Variants in CNTNAP2 observed in about 807,000 individuals in gnomAD.
CNTNAP2 encodes contactin-associated protein-like 2.
CNTNAP2 carries 98 observed loss-of-function variants against 155.2 expected under a neutral mutation model. That is an observed-to-expected ratio of 0.63 (90% CI 0.54 to 0.75). The LOEUF (loss-of-function observed/expected upper bound fraction) is 0.75, where lower values mean the gene tolerates loss of function less well. CNTNAP2 is among the 30% of genes least tolerant of loss of function. The pLI is 0.00. For synonymous variants in CNTNAP2, 651 were observed against 631.2 expected, an observed-to-expected ratio of 1.03 and a Z score of -0.47; for missense variants, 1,727 against 1,688.1, an observed-to-expected ratio of 1.02 and a Z score of -0.40.
intron 1 of CNTNAP2, among the ~76,000 whole-genome samples, chr7:146,426,185 C>CAAAAAAAAAAAAAAAAAAAAAAAAAAA (rs57484419): frequency 5.5e-5 from 3 of 54,644 alleles, no homozygotes; most frequent in African/African-American, 2.2e-4. Flanking sequence ...GACTTCGCCT[C>CAAAAAAAAAAAAAAAAAAAAAAAAAAA]AAAAAAAAAA....
rs985199322 is a variant in CNTNAP2, at chr7:147,084,569, T to C, written c.551-23578T>C. The stretch of plus-strand genomic sequence containing the variant: ...ATAATAATATAATAATATATACATG[T>C]ATATACATATGTACATATAGCATAT... On this transcript the variant is annotated intron_variant, in intron 4 of 23. Transcript: ENST00000361727. 2.1e-5 allele frequency among the ~76,000 whole-genome samples: 3 copies of C among 146,076 alleles called. No homozygotes were observed. In the East Asian group the frequency reaches 5.9e-4, roughly 29 times the overall value.
intron 1 of CNTNAP2, among the ~76,000 whole-genome samples, chr7:146,481,056 C>T (rs1210198562): frequency 6.6e-6 from 1 of 151,776 alleles, no homozygotes; most frequent in Non-Finnish European, 1.5e-5. Context: ...ATTGAGTGAC[C>T]AAAATCATAT....
intron 10 of CNTNAP2, among the ~76,000 whole-genome samples, chr7:147,437,820 C>T (rs1244546153): frequency 6.6e-6 from 1 of 152,066 alleles, no homozygotes; most frequent in Admixed American, 6.6e-5. Flanking sequence ...TCTTCCAATC[C>T]ATAAAAATTG....
At chr7:146,381,919 G>C (rs531707629) in intron 1 of CNTNAP2, among the ~76,000 whole-genome samples, 8 of 152,104 alleles carry the variant, frequency 5.3e-5, no homozygotes, top group Non-Finnish European at 1.2e-4. Context: ...AGAAGGCAGC[G>C]TTTATCCATG....
At chr7:148,326,721 C>T (rs1390744950) in intron 21 of CNTNAP2, among the ~76,000 whole-genome samples, 4 of 151,946 alleles carry the variant, frequency 2.6e-5, no homozygotes, top group African/African-American at 4.8e-5. Flanking sequence ...AAAAATTAGC[C>T]GGGCATGGTG....
chr7:147,256,902 C>T (rs1045726125), intron 8 of CNTNAP2, among the ~76,000 whole-genome samples: 12 of 151,486 alleles, frequency 7.9e-5, no homozygotes, highest in African/African-American at 2.9e-4. Flanking sequence ...AAAAAAAATA[C>T]TAGGACTGAC....
chr7:146,500,740 A>G (rs1320610651), intron 1 of CNTNAP2, among the ~76,000 whole-genome samples: 4 of 152,182 alleles, frequency 2.6e-5, no homozygotes, highest in Non-Finnish European at 5.9e-5. Flanking sequence ...TTATCTGGCC[A>G]GAACCACCAA....
Position 147,980,868 on chromosome 7 carries a change from T to C in CNTNAP2, c.2383+2879T>C, listed in dbSNP as rs1204165982. Among the ~76,000 whole-genome samples, 14 of 144,710 alleles carry C rather than the reference T, an allele frequency of 9.7e-5. No homozygotes were observed. In the Admixed American group the frequency reaches 1.0e-3, roughly 11 times the overall value. 94.9% of individuals were successfully genotyped at this position (144,710 alleles called of 152,430 possible). On this transcript the variant is annotated intron_variant, in intron 15 of 23. Transcript: ENST00000361727. The stretch of plus-strand genomic sequence containing the variant: ...ATGGTGTGAACCTGGGAGGCGGAGC[T>C]TGCAGTGAGCAGAGATTGTGCCACT...
intron 12 of CNTNAP2, among the ~76,000 whole-genome samples, chr7:147,582,702 C>T (rs1800526884): frequency 6.6e-6 from 1 of 152,024 alleles, no homozygotes; most frequent in African/African-American, 2.4e-5. Flanking sequence ...TTATTTCTAG[C>T]TTATCTTATT....
chr7:146,715,297 G>A (rs1047446606), intron 1 of CNTNAP2, among the ~76,000 whole-genome samples: 2 of 151,996 alleles, frequency 1.3e-5, no homozygotes, highest in African/African-American at 2.4e-5. Flanking sequence ...GTGCCATTGC[G>A]CTCTAGCCTG....
intron 22 of CNTNAP2, among the ~76,000 whole-genome samples, chr7:148,387,662 A>G (rs576041204): frequency 2.0e-5 from 3 of 152,176 alleles, no homozygotes; most frequent in African/African-American, 7.2e-5. Flanking sequence ...GTGACTTACC[A>G]CTGCAATTTA....
intron 1 of CNTNAP2, among the ~76,000 whole-genome samples, chr7:146,430,562 T>C (rs932353260): frequency 1.3e-5 from 2 of 152,030 alleles, no homozygotes; most frequent in East Asian, 3.9e-4. Flanking sequence ...TAAGTGGTGT[T>C]ATATAATGTA....
intron 1 of CNTNAP2, among the ~76,000 whole-genome samples, chr7:146,667,357 G>A (rs1800213708): frequency 6.6e-6 from 1 of 152,080 alleles, no homozygotes; most frequent in Non-Finnish European, 1.5e-5. Context: ...TTCTATGCCA[G>A]TACCATGCTG....
intron 1 of CNTNAP2, among the ~76,000 whole-genome samples, chr7:146,660,131 G>T (rs1242963795): frequency 6.6e-6 from 1 of 152,164 alleles, no homozygotes; most frequent in African/African-American, 2.4e-5. Context: ...AGACTTGAAT[G>T]GTAATAAGGG....
At chr7:147,054,288 A>G (rs1343343438) in intron 4 of CNTNAP2, among the ~76,000 whole-genome samples, 1 of 152,162 alleles carries the variant, frequency 6.6e-6, no homozygotes, top group Non-Finnish European at 1.5e-5. Flanking sequence ...CCAGCAGAAA[A>G]ATTTAAATGA....
intron 9 of CNTNAP2, among the ~76,000 whole-genome samples, chr7:147,328,639 GAAT>G (rs1795502832): frequency 6.6e-6 from 1 of 152,204 alleles, no homozygotes; most frequent in Admixed American, 6.5e-5. Flanking sequence ...GTTGCACTAA[GAAT>G]AATTCCAGAA....
intron 2 of CNTNAP2, among the ~76,000 whole-genome samples, chr7:146,803,392 G>A (rs1262973342): frequency 6.6e-6 from 1 of 152,096 alleles, no homozygotes; most frequent in Admixed American, 6.6e-5. Flanking sequence ...ACACAGGGTG[G>A]ACTAGAGACA....
intron 1 of CNTNAP2, among the ~76,000 whole-genome samples, chr7:146,671,310 G>A (rs1465182615): frequency 6.6e-6 from 1 of 152,042 alleles, no homozygotes; most frequent in African/African-American, 2.4e-5. Flanking sequence ...ATGAAAATAA[G>A]AGGCAAGCTA....
intron 18 of CNTNAP2, 41 bp from the exon 19 acceptor site, chr7:148,217,247 A>G (rs1421344417): frequency 5.0e-6 from 8 of 1,588,628 alleles, no homozygotes; most frequent in Non-Finnish European, 6.9e-6. Context: ...TCGGCATCAG[A>G]CCTCTCCTCA....
Sources: allele counts gnomAD v4.1 joint callset (sites outside exome capture counted in the v4.1 genomes callset), GRCh38; gene constraint gnomAD v4.1.1; transcripts MANE v1.5; gene names NCBI Gene and HGNC (gene_info 2026-07-23, HGNC 2026-07-21).